Variants in BTAF1 observed in about 807,000 individuals in gnomAD.
BTAF1 encodes B-TFIID TATA-box binding protein associated factor 1, also known as TATA-binding protein-associated factor 172.
A neutral mutation model predicts 227.1 loss-of-function variants in BTAF1; 38 were observed. The ratio of observed to expected loss-of-function variants is 0.17; its 90% CI spans 0.13 to 0.22. The LOEUF (loss-of-function observed/expected upper bound fraction) is 0.22. Among genes scored for constraint, BTAF1 ranks in the 10% least tolerant of loss-of-function variants. BTAF1 has a pLI of 1.00. For synonymous variants in BTAF1, 742 were observed against 751.9 expected, an observed-to-expected ratio of 0.99 and a Z score of 0.21; for missense variants, 1,598 against 2,204.0, an observed-to-expected ratio of 0.73 and a Z score of 5.51.
Position 92,008,947 on chromosome 10 carries a change from A to T in BTAF1, c.3932A>T (p.His1311Leu). 1 of 1,613,126 alleles carries T rather than the reference A, an allele frequency of 6.2e-7. No individual in the cohort carries two copies. The highest frequency in any genetic ancestry group is 8.5e-7 in the Non-Finnish European group (1 of 1,179,676). The change falls in exon 27 of 38, where the codon CAT becomes CTT. Residue 1311 changes from histidine (H) to leucine (L), a missense_variant. His to Leu is a moderately conservative substitution (Grantham distance 99, BLOSUM62 -3). Coordinates refer to ENST00000265990, the MANE Select transcript of BTAF1 (RefSeq NM_003972.3). ...TGCATTCTAGCAGGAGATCATTGTCATAGGTAATTTAAGATGTTATTTTAA... is the reference window on the plus strand; with the variant it reads ...TGCATTCTAGCAGGAGATCATTGTCTTAGGTAATTTAAGATGTTATTTTAA... ...SICILAGDHCHRAQEYARSKL... is the reference protein window; with the variant it reads ...SICILAGDHCLRAQEYARSKL...
At chr10:91,970,512 G>A (rs1847215527) in intron 14 of BTAF1, among the ~76,000 whole-genome samples, 1 of 152,162 alleles carries the variant, frequency 6.6e-6, no homozygotes, top group South Asian at 2.1e-4. Context: ...CTTGTGCAGG[G>A]AAACTCCTGT....
At position 91,935,794 on chromosome 10, in the gene BTAF1, T is replaced by C. The variant is rs1448228293; in HGVS notation, c.138+14T>C. The C allele has an allele frequency of 6.3e-7, 1 of 1,592,862 alleles. No homozygotes were observed. The highest frequency in any genetic ancestry group is 1.3e-5 in the African/African-American group (1 of 74,156). On this transcript the variant is annotated intron_variant, in intron 2 of 37. Coordinates refer to ENST00000265990, the MANE Select transcript of BTAF1 (RefSeq NM_003972.3). ...CTCCTGTCTAAAGTAAGAACTTTTTTTTTTCTTTTAGCATAATACAATTGT... is the reference window on the plus strand; with the variant it reads ...CTCCTGTCTAAAGTAAGAACTTTTTCTTTTCTTTTAGCATAATACAATTGT...
intron 5 of BTAF1, 103 bp from the exon 6 acceptor site, chr10:91,953,634 A>T: frequency 7.9e-7 from 1 of 1,262,778 alleles, no homozygotes. Flanking sequence ...TGATCGATGT[A>T]TATATACTGA....
intron 17 of BTAF1, 40 bp downstream of exon 17, chr10:91,982,265 A>T: frequency 6.2e-7 from 1 of 1,612,962 alleles, no homozygotes. Context: ...TACATTTACA[A>T]GTCTGGCTTT....
At chr10:92,010,718 G>A (rs1850237975) in intron 28 of BTAF1, among the ~76,000 whole-genome samples, 1 of 152,198 alleles carries the variant, frequency 6.6e-6, no homozygotes, top group Admixed American at 6.5e-5. Context: ...GCTTAACCTG[G>A]TTCAAATGCT....
chr10:91,968,026 C>G (rs372695059), intron 14 of BTAF1, among the ~76,000 whole-genome samples: 2 of 152,292 alleles, frequency 1.3e-5, no homozygotes, highest in South Asian at 4.1e-4. Context: ...TTTATTAAAA[C>G]TGATGAGCCA....
At position 92,030,957 on chromosome 10, in the gene BTAF1, A is replaced by T. The variant is rs1851857525; in HGVS notation, c.*2024A>T. 6.6e-6 allele frequency among the ~76,000 whole-genome samples: 1 copy of T among 152,216 alleles called. No individual in the cohort carries two copies. Among genetic ancestry groups the T allele is most frequent in the South Asian group, 2.1e-4 (1 of 4,830 alleles). On this transcript the variant is annotated 3_prime_UTR_variant, in exon 38 of 38. Coordinates refer to ENST00000265990, the MANE Select transcript of BTAF1 (RefSeq NM_003972.3). ...AATAATGAAGAGATGTGGAGAATTG[A>T]ACTGAGTAATGAATGATATTAAAGA...
intron 12 of BTAF1, among the ~76,000 whole-genome samples, chr10:91,962,944 G>A (rs868004632): frequency 2.1e-4 from 31 of 151,048 alleles, no homozygotes; most frequent in Middle Eastern, 6.8e-3. Flanking sequence ...TTTACTCCTG[G>A]TTTTTAGATA....
At chr10:91,992,463 C>T (rs78224109) in intron 21 of BTAF1, among the ~76,000 whole-genome samples, 154 bp downstream of exon 21, 9 of 151,998 alleles carry the variant, frequency 5.9e-5, no homozygotes, top group East Asian at 1.9e-4. Context: ...TCCAGAAAAA[C>T]GGCAAACTTC....
In BTAF1 at chr10:91,980,459, T is replaced by A; in HGVS notation, c.1656T>A (p.Ser552=). 1 of 1,610,950 alleles carries A rather than the reference T, an allele frequency of 6.2e-7. No individual in the cohort carries two copies. The highest frequency in any genetic ancestry group is 8.5e-7 in the Non-Finnish European group (1 of 1,177,618). ...AATTCTGTTTTTGTTTTCAGAACTC[T>A]TCATCTTGGCTTATACCTATACTGC... ...FTLLSTQDQN[S]SSWLIPILPD... is the part of the protein sequence containing the mutation. Residue 552 remains serine, a synonymous_variant, in exon 15 of 38, where the codon TCT becomes TCA. Coordinates refer to ENST00000265990, the MANE Select transcript of BTAF1 (RefSeq NM_003972.3).
In BTAF1 at chr10:91,959,818, T is replaced by C. The variant is rs770783717; in HGVS notation, c.1024T>C (p.Leu342=). The part of the protein sequence containing the change: ...IQQHQEWLED[L]VIRLLCVFAL... ...GCAGCATCAAGAGTGGTTGGAAGAC[T>C]TGGTTATTAGACTCCTTTGTGTTTT... Residue 342 remains leucine (L), a synonymous_variant, in exon 10 of 38, where the codon TTG becomes CTG. Coordinates refer to ENST00000265990, the MANE Select transcript of BTAF1 (RefSeq NM_003972.3). 26 of 1,604,540 alleles carry C rather than the reference T, an allele frequency of 1.6e-5. No homozygotes were observed. Among genetic ancestry groups the C allele is most frequent in the Admixed American group, 1.7e-5 (1 of 58,202 alleles).
intron 21 of BTAF1, 99 bp from the exon 22 acceptor site, chr10:91,993,595 T>A: frequency 1.1e-6 from 1 of 937,586 alleles, no homozygotes. Context: ...GATAACATTA[T>A]GAATTCTTAG....
At chr10:92,001,010 CA>C (rs1326441562) in intron 25 of BTAF1, among the ~76,000 whole-genome samples, 1 of 152,142 alleles carries the variant, frequency 6.6e-6, no homozygotes, top group Non-Finnish European at 1.5e-5. Flanking sequence ...GAAAAACAGG[CA>C]ACAGATTTAT....
chr10:91,950,001 G>A (rs1366794015), intron 4 of BTAF1, among the ~76,000 whole-genome samples: 4 of 152,048 alleles, frequency 2.6e-5, no homozygotes, highest in Admixed American at 2.6e-4. Context: ...AATTAGCCAG[G>A]AATGGTGACA....
chr10:91,997,069 G>C, intron 24 of BTAF1: 3 of 1,269,992 alleles, frequency 2.4e-6, no homozygotes, highest in Non-Finnish European at 3.1e-6. Context: ...TTAACTCAAA[G>C]TATCTGAAAG....
In BTAF1 at chr10:92,011,346, A is replaced by G; in HGVS notation, c.4242A>G (p.Thr1414=). The change falls in exon 30 of 38, where the codon ACA becomes ACG. Residue 1414 remains threonine (T), a synonymous_variant. Coordinates refer to ENST00000265990, the MANE Select transcript of BTAF1 (RefSeq NM_003972.3). ...DEGHVIKNGK[T]KLSKAVKQLT... The stretch of plus-strand genomic sequence containing the variant: ...GCCATGTCATCAAAAATGGAAAAAC[A>G]AAGTTGTCAAAAGCAGTAAAACAAC... 1.3e-6 allele frequency: 2 copies of G among 1,500,068 alleles called. No homozygotes were observed. Among genetic ancestry groups the G allele is most frequent in the South Asian group, 2.8e-5 (2 of 70,848 alleles). 92.9% of individuals were successfully genotyped at this position (1,500,068 alleles called of 1,614,324 possible). A position where few individuals can be genotyped will look rare whatever the true frequency, so the allele number is the denominator to read the frequency against.
At chr10:91,993,380 G>A (rs188385019) in intron 21 of BTAF1, among the ~76,000 whole-genome samples, 1 of 152,176 alleles carries the variant, frequency 6.6e-6, no homozygotes, top group East Asian at 1.9e-4. Context: ...TTTCTTTGAG[G>A]TAGAGAGAAG....
intron 1 of BTAF1, among the ~76,000 whole-genome samples, chr10:91,933,189 T>C (rs182822482): frequency 6.6e-6 from 1 of 152,148 alleles, no homozygotes; most frequent in Non-Finnish European, 1.5e-5. Context: ...AAACCAAAAA[T>C]ACCCACATTT....
chr10:92,026,468 A>G (rs1465177029), intron 35 of BTAF1, 124 bp from the exon 36 acceptor site: 1 of 737,564 alleles, frequency 1.4e-6, no homozygotes, highest in Non-Finnish European at 2.1e-6. Flanking sequence ...TCAGATGATC[A>G]TGTAAGTATC....
Sources: gnomAD v4.1 joint callset for allele counts (sites outside exome capture counted in the v4.1 genomes callset) on GRCh38, gnomAD v4.1.1 for gene constraint, MANE v1.5 for transcripts, NCBI Gene and HGNC (gene_info 2026-07-23, HGNC 2026-07-21) for gene names.